Variants in GSE1 observed in about 807,000 individuals in gnomAD.
The protein encoded by GSE1 is Gse1 coiled-coil protein.
Under a neutral mutation model 112.6 loss-of-function variants are expected in GSE1, and 32 were observed. The ratio of observed to expected loss-of-function variants is 0.28; its 90% CI spans 0.21 to 0.38. The LOEUF is 0.38. GSE1 is among the 10% of genes least tolerant of loss of function. GSE1 has a pLI of 1.00. For synonymous variants in GSE1, 1,115 were observed against 735.6 expected, an observed-to-expected ratio of 1.52 and a Z score of -8.35; for missense variants, 2,348 against 1,699.2, an observed-to-expected ratio of 1.38 and a Z score of -6.71.
chr16:85,209,666 C>T (rs1389318284), intron 1 of GSE1, among the ~76,000 whole-genome samples: 2 of 152,230 alleles, frequency 1.3e-5, no homozygotes, highest in African/African-American at 4.8e-5. Context: ...AGCCCACATT[C>T]TGCAACCCTA....
chr16:85,528,374 C>T (rs1567562980), intron 2 of GSE1, among the ~76,000 whole-genome samples: 1 of 152,134 alleles, frequency 6.6e-6, no homozygotes, highest in Non-Finnish European at 1.5e-5. Context: ...CCAGCTGGTA[C>T]AACCCTAGCT....
intron 2 of GSE1, among the ~76,000 whole-genome samples, chr16:85,436,606 C>T (rs1398215836): frequency 2.0e-5 from 3 of 152,200 alleles, no homozygotes; most frequent in African/African-American, 7.2e-5. Context: ...ACCTCGGTAG[C>T]CCCAGTGGGG....
chr16:85,400,646 G>T (rs114175669), intron 2 of GSE1, among the ~76,000 whole-genome samples: 217 of 151,656 alleles, frequency 1.4e-3, no homozygotes, highest in African/African-American at 4.9e-3. Flanking sequence ...TGTTGTGTGT[G>T]TCTCTGTGTC....
intron 1 of GSE1, among the ~76,000 whole-genome samples, chr16:85,350,030 C>T (rs751990674): frequency 1.2e-4 from 19 of 152,200 alleles, no homozygotes; most frequent in Non-Finnish European, 2.4e-4. Context: ...TCACTGTGAC[C>T]AGCTGGGTGA....
intron 2 of GSE1, among the ~76,000 whole-genome samples, chr16:85,512,450 T>G (rs1327361063): frequency 6.6e-6 from 1 of 152,212 alleles, no homozygotes. Flanking sequence ...CCCCAAATCC[T>G]GGCTGTGCCA....
upstream of GSE1, among the ~76,000 whole-genome samples, chr16:85,612,024 G>A (rs945456011): frequency 1.3e-5 from 2 of 152,106 alleles, no homozygotes; most frequent in African/African-American, 4.8e-5. Flanking sequence ...CCGCCCAGGG[G>A]GTGCTGGTTT....
intron 2 of GSE1, among the ~76,000 whole-genome samples, chr16:85,416,664 T>C (rs1264949443): frequency 6.6e-6 from 1 of 152,182 alleles, no homozygotes. Flanking sequence ...GCTAAGCAGG[T>C]TTCCTTGCTA....
intron 2 of GSE1, among the ~76,000 whole-genome samples, chr16:85,529,562 G>A (rs532896541): frequency 7.0e-4 from 106 of 152,286 alleles, no homozygotes; most frequent in Middle Eastern, 3.4e-3. Flanking sequence ...CTGCTATGCC[G>A]AGAGGGCAGG....
chr16:85,246,039 A>G (rs77578996), intron 1 of GSE1, among the ~76,000 whole-genome samples: 9,250 of 151,144 alleles, frequency 0.061, 438 homozygotes, highest in East Asian at 0.2. Flanking sequence ...GGTTGTCTGC[A>G]TGTGTTAGTG....
At chr16:85,317,704 G>T (rs1431075972) in intron 1 of GSE1, among the ~76,000 whole-genome samples, 1 of 152,090 alleles carries the variant, frequency 6.6e-6, no homozygotes, top group Non-Finnish European at 1.5e-5. Context: ...TGCCCACAGT[G>T]AACGCTGGTG....
At chr16:85,208,789 G>C (rs2075166879) in intron 1 of GSE1, among the ~76,000 whole-genome samples, 1 of 151,642 alleles carries the variant, frequency 6.6e-6, no homozygotes, top group Admixed American at 6.6e-5. Flanking sequence ...GCCGCGTGTT[G>C]GGGTTCGCCT....
chr16:85,401,012 G>C (rs1387858951), intron 2 of GSE1, among the ~76,000 whole-genome samples: 2 of 152,184 alleles, frequency 1.3e-5, no homozygotes, highest in South Asian at 4.1e-4. Context: ...CTACATCAGT[G>C]CGGGTGCAGA....
chr16:85,558,512 G>A (rs552414810), intron 1 of GSE1, among the ~76,000 whole-genome samples: 2 of 152,360 alleles, frequency 1.3e-5, no homozygotes, highest in African/African-American at 4.8e-5. Context: ...GGAAGTGTCA[G>A]GCTGGGAAAT....
chr16:85,376,044 T>G (rs1269018296), intron 2 of GSE1, among the ~76,000 whole-genome samples: 1 of 152,050 alleles, frequency 6.6e-6, no homozygotes, highest in Non-Finnish European at 1.5e-5. Flanking sequence ...TTGGCCTCCC[T>G]TCTGCTATGT....
At chr16:85,426,546 T>TGGA (rs2151751254) in intron 2 of GSE1, among the ~76,000 whole-genome samples, 1 of 74,696 alleles carries the variant, frequency 1.3e-5, no homozygotes, top group South Asian at 4.8e-4. Context: ...GGATGGATGA[T>TGGA]TGAATGGTGG....
At chr16:85,529,181 G>T (rs2052466669) in intron 2 of GSE1, among the ~76,000 whole-genome samples, 1 of 152,120 alleles carries the variant, frequency 6.6e-6, no homozygotes, top group South Asian at 2.1e-4. Flanking sequence ...TCGTGTGTGG[G>T]ACTGGAGTGG....
At chr16:85,398,037 G>T (rs2048008683) in intron 2 of GSE1, among the ~76,000 whole-genome samples, 1 of 152,190 alleles carries the variant, frequency 6.6e-6, no homozygotes, top group Non-Finnish European at 1.5e-5. Flanking sequence ...GCTTCCAGGT[G>T]ATTCTGTGCA....
intron 1 of GSE1, among the ~76,000 whole-genome samples, chr16:85,587,171 C>G (rs1216326775): frequency 8.0e-5 from 12 of 149,372 alleles, no homozygotes; most frequent in South Asian, 2.1e-4. Context: ...GGACGAAACC[C>G]CCCCCCCCCC....
chr16:85,534,667 C>G (rs957408635), intron 2 of GSE1, among the ~76,000 whole-genome samples: 1 of 152,184 alleles, frequency 6.6e-6, no homozygotes, highest in African/African-American at 2.4e-5. Context: ...CGCTGCTGGT[C>G]GTGCCGCCGT....
Sources: gnomAD v4.1 joint callset for allele counts (sites outside exome capture counted in the v4.1 genomes callset) on GRCh38, gnomAD v4.1.1 for gene constraint, MANE v1.5 for transcripts, NCBI Gene and HGNC (gene_info 2026-07-23, HGNC 2026-07-21) for gene names.